Variants in LRP11 observed in about 807,000 individuals in gnomAD.
LRP11 encodes LDL receptor related protein 11, also known as low-density lipoprotein receptor-related protein 11.
Under a neutral mutation model 43.1 loss-of-function variants are expected in LRP11, and 25 were observed. The ratio of observed to expected loss-of-function variants is 0.58; its 90% confidence interval spans 0.42 to 0.81. LRP11 has a LOEUF of 0.81. LRP11 is among the 30% of genes least tolerant of loss of function. The pLI, the probability that LRP11 is intolerant of heterozygous loss-of-function variation, is 0.00. For missense variants in LRP11, 623 were observed against 665.1 expected (o/e 0.94, Z 0.70); for synonymous variants, 316 against 299.4 (o/e 1.06, Z -0.57).
chr6:149,840,677 C>G (rs1263051088), intron 3 of LRP11, among the ~76,000 whole-genome samples: 1 of 152,132 alleles, frequency 6.6e-6, no homozygotes, highest in East Asian at 1.9e-4. Context: ...TGTCTTTTTC[C>G]CAAGAGTCCC....
chr6:149,822,403 G>A (rs1776288232), intron 6 of LRP11, among the ~76,000 whole-genome samples: 1 of 152,048 alleles, frequency 6.6e-6, no homozygotes, highest in Non-Finnish European at 1.5e-5. Context: ...AATACTTAGG[G>A]AGGCTAAAGC....
chr6:149,824,877 C>A (rs987126979), intron 6 of LRP11, among the ~76,000 whole-genome samples: 4 of 152,044 alleles, frequency 2.6e-5, no homozygotes, highest in Non-Finnish European at 5.9e-5. Flanking sequence ...CAAAACAAAA[C>A]AAAAATATGT....
intron 2 of LRP11, among the ~76,000 whole-genome samples, chr6:149,848,775 G>T (rs1289559525): frequency 1.3e-5 from 2 of 152,052 alleles, no homozygotes; most frequent in Non-Finnish European, 2.9e-5. Context: ...AAACAAAACT[G>T]CTGGGTAATA....
At chr6:149,840,390 T>C (rs1375726200) in intron 3 of LRP11, among the ~76,000 whole-genome samples, 1 of 152,186 alleles carries the variant, frequency 6.6e-6, no homozygotes, top group African/African-American at 2.4e-5. Context: ...AGACCTATAC[T>C]CAAGCGGCCA....
intron 1 of LRP11, among the ~76,000 whole-genome samples, chr6:149,855,525 CA>C (rs2115415403): frequency 6.6e-6 from 1 of 152,168 alleles, no homozygotes; most frequent in African/African-American, 2.4e-5. Context: ...TCACCAGTTG[CA>C]GAAATAAACT....
chr6:149,842,875 C>G, intron 3 of LRP11, 108 bp downstream of exon 3: 1 of 1,371,576 alleles, frequency 7.3e-7, no homozygotes, highest in Non-Finnish European at 1.0e-6. Context: ...CAGCAATAAC[C>G]AAAAATAAAA....
intron 1 of LRP11, 140 bp from the exon 2 acceptor site, chr6:149,853,300 ATTTAT>A (rs2115411749): frequency 1.4e-6 from 1 of 700,380 alleles, no homozygotes. Flanking sequence ...TTATTTTTCT[ATTTAT>A]TTTATGATCG....
At chr6:149,854,534 T>G (rs1776770031) in intron 1 of LRP11, among the ~76,000 whole-genome samples, 1 of 152,256 alleles carries the variant, frequency 6.6e-6, no homozygotes, top group South Asian at 2.1e-4. Flanking sequence ...AGAAAACATT[T>G]CTAAGAGCAT....
intron 1 of LRP11, among the ~76,000 whole-genome samples, chr6:149,860,909 A>G (rs924731157): frequency 7.2e-5 from 11 of 152,202 alleles, no homozygotes; most frequent in African/African-American, 2.7e-4. Context: ...ACTAGGGATT[A>G]TAACAGAACC....
chr6:149,859,396 A>ATATATATATATATATATATATT, intron 1 of LRP11, among the ~76,000 whole-genome samples: 98 of 71,492 alleles, frequency 1.4e-3, no homozygotes, highest in Admixed American at 1.7e-3. Context: ...ATATATATAT[A>ATATATATATATATATATATATT]TTTTTTTTTT....
At chr6:149,830,726 C>T (rs908146681) in intron 5 of LRP11, among the ~76,000 whole-genome samples, 1 of 152,136 alleles carries the variant, frequency 6.6e-6, no homozygotes, top group Admixed American at 6.5e-5. Context: ...TTTTTTTAAA[C>T]AGCATTTTCT....
chr6:149,822,330 G>A (rs1209708964), intron 6 of LRP11, among the ~76,000 whole-genome samples: 2 of 151,602 alleles, frequency 1.3e-5, no homozygotes, highest in African/African-American at 4.8e-5. Context: ...ACAGTGTAAG[G>A]GCCTATCTCA....
intron 2 of LRP11, among the ~76,000 whole-genome samples, chr6:149,846,948 TAAAATAATAGAATAGAATAG>T (rs1313740471): frequency 1.6e-5 from 2 of 121,570 alleles, no homozygotes; most frequent in South Asian, 2.6e-4. Context: ...TAAAATAAAA[TAAAATAATAGAATAGAATAG>T]AATAGAATAG....
At chr6:149,848,209 C>G (rs1310713047) in intron 2 of LRP11, among the ~76,000 whole-genome samples, 1 of 152,022 alleles carries the variant, frequency 6.6e-6, no homozygotes, top group Non-Finnish European at 1.5e-5. Context: ...CAAAAAAAAC[C>G]CCACCAGATG....
intron 3 of LRP11, among the ~76,000 whole-genome samples, chr6:149,841,079 G>C (rs1314060679): frequency 1.3e-5 from 2 of 152,118 alleles, no homozygotes; most frequent in Non-Finnish European, 2.9e-5. Context: ...CCCCTGGCTG[G>C]ACAGGTTGTC....
chr6:149,847,873 ACACAC>A (rs1441779109), intron 2 of LRP11, among the ~76,000 whole-genome samples: 1 of 126,144 alleles, frequency 7.9e-6, no homozygotes, highest in Non-Finnish European at 1.7e-5. Flanking sequence ...ACACACACAC[ACACAC>A]ATTGTATATA....
intron 6 of LRP11, chr6:149,825,961 T>G: frequency 2.9e-6 from 1 of 343,954 alleles, no homozygotes; most frequent in Non-Finnish European, 5.5e-6. Context: ...GAGCAAGGAT[T>G]TGAATTGTGG....
At chr6:149,855,442 G>T (rs1160828499) in intron 1 of LRP11, among the ~76,000 whole-genome samples, 2 of 152,170 alleles carry the variant, frequency 1.3e-5, no homozygotes, top group African/African-American at 2.4e-5. Flanking sequence ...AGGTTGAATT[G>T]AATGTAAATA....
At chr6:149,842,739 G>C in intron 3 of LRP11, 4 of 1,504,516 alleles carry the variant, frequency 2.7e-6, no homozygotes, top group Non-Finnish European at 3.6e-6. Context: ...CGAGTCAAGA[G>C]AAGCGGGAGC....
Sources: allele counts gnomAD v4.1 joint callset (sites outside exome capture counted in the v4.1 genomes callset), GRCh38; gene constraint gnomAD v4.1.1; transcripts MANE v1.5; gene names NCBI Gene and HGNC (gene_info 2026-07-23, HGNC 2026-07-21).